The following GALNT14 variants were observed in gnomAD, a reference collection of about 807,000 sequenced individuals.
GALNT14 encodes the protein UDP-GalNAc:polypeptide N-acetylgalactosaminyltransferase 14.
A neutral mutation model predicts 77.5 loss-of-function variants in GALNT14; 60 were observed. The ratio of observed to expected loss-of-function variants is 0.77; its 90% CI spans 0.63 to 0.96. GALNT14 has a LOEUF of 0.96. Ranked by LOEUF, GALNT14 falls within the 40% of genes least tolerant of loss-of-function variation. GALNT14 has a pLI of 0.00. For missense variants in GALNT14, 710 were observed against 731.0 expected (o/e 0.97, Z 0.33); for synonymous variants, 280 against 281.7 (o/e 0.99, Z 0.06).
At chr2:30,973,379 T>G (rs1668470358) in intron 2 of GALNT14, among the ~76,000 whole-genome samples, 1 of 152,208 alleles carries the variant, frequency 6.6e-6, no homozygotes, top group South Asian at 2.1e-4. Flanking sequence ...GAAGAAAGAA[T>G]GAGCGGAGAA....
chr2:31,068,918 A>T (rs1675166025), intron 1 of GALNT14, among the ~76,000 whole-genome samples: 1 of 152,210 alleles, frequency 6.6e-6, no homozygotes, highest in African/African-American at 2.4e-5. Flanking sequence ...GTATTGTATG[A>T]TTCTATTTAT....
At chr2:31,059,207 C>A (rs1233836492) in intron 1 of GALNT14, among the ~76,000 whole-genome samples, 1 of 152,166 alleles carries the variant, frequency 6.6e-6, no homozygotes, top group Admixed American at 6.5e-5. Context: ...GAAAAGTAAG[C>A]CAGTCTTGTG....
intron 1 of GALNT14, among the ~76,000 whole-genome samples, chr2:31,057,340 G>GTC (rs2148532469): frequency 3.2e-5 from 2 of 62,442 alleles, no homozygotes; most frequent in East Asian, 7.1e-4. Context: ...ATATATACAC[G>GTC]TATATATATG....
intron 1 of GALNT14, among the ~76,000 whole-genome samples, chr2:31,029,454 A>C (rs1672276384): frequency 6.6e-6 from 1 of 152,208 alleles, no homozygotes; most frequent in Non-Finnish European, 1.5e-5. Context: ...ATCTCACATG[A>C]AGACTGACTT....
intron 1 of GALNT14, among the ~76,000 whole-genome samples, chr2:31,116,912 C>T (rs561552664): frequency 6.6e-5 from 10 of 152,156 alleles, no homozygotes; most frequent in African/African-American, 2.2e-4. Flanking sequence ...GGGCGCATGC[C>T]TGTAATCCCA....
At chr2:30,992,690 C>T in intron 2 of GALNT14, 148 bp downstream of exon 2, 1 of 953,426 alleles carries the variant, frequency 1.0e-6, no homozygotes, top group Non-Finnish European at 1.6e-6. Context: ...GGTCAATCAC[C>T]AAATCCGAAT....
intron 1 of GALNT14, among the ~76,000 whole-genome samples, chr2:31,137,014 T>A (rs147665465): frequency 0.011 from 1,624 of 152,248 alleles, 17 homozygotes; most frequent in South Asian, 0.041. Flanking sequence ...TGGACCCAGT[T>A]TATAAAGACT....
chr2:31,043,730 T>G (rs1673247064), intron 1 of GALNT14, among the ~76,000 whole-genome samples: 1 of 152,170 alleles, frequency 6.6e-6, no homozygotes, highest in Admixed American at 6.5e-5. Context: ...GCCTGTTACC[T>G]ACTAGGTCCT....
chr2:30,911,355 G>T (rs1458704444), intron 14 of GALNT14, among the ~76,000 whole-genome samples: 1 of 151,960 alleles, frequency 6.6e-6, no homozygotes, highest in Non-Finnish European at 1.5e-5. Flanking sequence ...TTAGTCACAG[G>T]AGCAACCTAA....
chr2:30,907,663 C>A (rs1416033368), downstream of GALNT14, among the ~76,000 whole-genome samples: 1 of 150,726 alleles, frequency 6.6e-6, no homozygotes, highest in African/African-American at 2.4e-5. Context: ...CCTTCTGAAA[C>A]TATTCCAATC....
At chr2:31,035,454 T>C (rs1672656556) in intron 1 of GALNT14, among the ~76,000 whole-genome samples, 1 of 151,892 alleles carries the variant, frequency 6.6e-6, no homozygotes, top group African/African-American at 2.4e-5. Flanking sequence ...TTTATCCATT[T>C]ATCCCAAGCT....
At chr2:31,028,572 G>T (rs963734795) in intron 1 of GALNT14, among the ~76,000 whole-genome samples, 13 of 152,206 alleles carry the variant, frequency 8.5e-5, no homozygotes, top group African/African-American at 2.7e-4. Flanking sequence ...CACACATAAC[G>T]GTGTGTCAGA....
chr2:30,905,542 C>T (rs1483106679), downstream of GALNT14, among the ~76,000 whole-genome samples: 1 of 151,948 alleles, frequency 6.6e-6, no homozygotes, highest in Non-Finnish European at 1.5e-5. Context: ...GCAAAGCCTC[C>T]AAGAAATATG....
chr2:31,055,902 C>A (rs906882825), intron 1 of GALNT14, among the ~76,000 whole-genome samples: 1 of 152,208 alleles, frequency 6.6e-6, no homozygotes, highest in Non-Finnish European at 1.5e-5. Context: ...ACCTAGACAG[C>A]GCTAATAGCA....
At chr2:31,137,883 C>T (rs1679298824) in intron 1 of GALNT14, 75 bp downstream of exon 1, 4 of 1,533,924 alleles carry the variant, frequency 2.6e-6, no homozygotes, top group Non-Finnish European at 2.6e-6. Context: ...CCCGGGAGCC[C>T]GCAAACCCGG....
At chr2:31,095,062 A>C (rs1676934325) in intron 1 of GALNT14, among the ~76,000 whole-genome samples, 1 of 152,214 alleles carries the variant, frequency 6.6e-6, no homozygotes. Context: ...TAAGAGTACC[A>C]GTGATGAGCT....
At chr2:30,943,173 T>G (rs1204502064) in intron 8 of GALNT14, among the ~76,000 whole-genome samples, 5 of 152,226 alleles carry the variant, frequency 3.3e-5, no homozygotes, top group Non-Finnish European at 7.3e-5. Context: ...GTGTGTGGTA[T>G]GCTGTTACAG....
chr2:31,042,818 A>G (rs1182977065), intron 1 of GALNT14, among the ~76,000 whole-genome samples: 1 of 152,176 alleles, frequency 6.6e-6, no homozygotes, highest in Non-Finnish European at 1.5e-5. Context: ...TAGCCTCCTA[A>G]TAAGTCTCCC....
At chr2:31,069,542 G>C (rs912150049) in intron 1 of GALNT14, among the ~76,000 whole-genome samples, 1 of 152,142 alleles carries the variant, frequency 6.6e-6, no homozygotes, top group African/African-American at 2.4e-5. Flanking sequence ...CTTTACCCAG[G>C]GATGGGCAGA....
Sources: gnomAD v4.1 joint callset for allele counts (sites outside exome capture counted in the v4.1 genomes callset) on GRCh38, gnomAD v4.1.1 for gene constraint, MANE v1.5 for transcripts, NCBI Gene and HGNC (gene_info 2026-07-23, HGNC 2026-07-21) for gene names.